KIF26B: variants seen among roughly 807,000 people sequenced by gnomAD.
KIF26B encodes the protein kinesin family member 26B.
A neutral mutation model predicts 151.2 loss-of-function variants in KIF26B; 63 were observed. The ratio of observed to expected loss-of-function variants is 0.42; its 90% CI spans 0.34 to 0.51. The LOEUF is 0.51. Among genes scored for constraint, KIF26B ranks in the 20% least tolerant of loss-of-function variants. KIF26B has a pLI of 0.07. For missense variants in KIF26B, 2,813 were observed against 2,913.6 expected, an observed-to-expected ratio of 0.97 and a Z score of 0.79; for synonymous variants, 1,357 against 1,262.1, an observed-to-expected ratio of 1.08 and a Z score of -1.59.
chr1:245,559,709 G>A (rs762136903), intron 5 of KIF26B, among the ~76,000 whole-genome samples: 4 of 152,156 alleles, frequency 2.6e-5, no homozygotes, highest in Non-Finnish European at 5.9e-5. Flanking sequence ...ACCGTGCCCA[G>A]CCTATTTTTG....
At chr1:245,608,585 A>C (rs2043482142) in intron 7 of KIF26B, among the ~76,000 whole-genome samples, 1 of 152,178 alleles carries the variant, frequency 6.6e-6, no homozygotes, top group African/African-American at 2.4e-5. Flanking sequence ...TAAAGTGTGA[A>C]TATGTGGACT....
At chr1:245,175,914 A>ATC (rs1417944815) in intron 2 of KIF26B, among the ~76,000 whole-genome samples, 85 of 123,264 alleles carry the variant, frequency 6.9e-4, no homozygotes, top group Non-Finnish European at 2.7e-4. Context: ...ATATATCTAT[A>ATC]TCTATATCTA....
At chr1:245,550,958 A>G (rs1396375760) in intron 5 of KIF26B, among the ~76,000 whole-genome samples, 2 of 152,194 alleles carry the variant, frequency 1.3e-5, no homozygotes, top group Non-Finnish European at 2.9e-5. Context: ...AAGCAGGACA[A>G]AGGGCCCTGG....
intron 4 of KIF26B, among the ~76,000 whole-genome samples, chr1:245,467,407 G>A (rs1261662931): frequency 2.6e-5 from 4 of 152,156 alleles, no homozygotes; most frequent in Non-Finnish European, 5.9e-5. Context: ...GAGAGTTTGA[G>A]ATGAAAATCT....
At chr1:245,193,958 A>G (rs1481157166) in intron 2 of KIF26B, among the ~76,000 whole-genome samples, 2 of 152,228 alleles carry the variant, frequency 1.3e-5, no homozygotes, top group African/African-American at 2.4e-5. Context: ...AGAAAATGAC[A>G]TGGACGCCAG....
intron 3 of KIF26B, 60 bp from the exon 4 acceptor site, chr1:245,419,519 A>T: frequency 6.7e-7 from 1 of 1,489,962 alleles, no homozygotes; most frequent in South Asian, 1.3e-5. Context: ...AGATGCTGTC[A>T]GTGGTCAGGA....
intron 4 of KIF26B, among the ~76,000 whole-genome samples, chr1:245,434,426 TCTG>T (rs1296003507): frequency 6.6e-6 from 1 of 152,222 alleles, no homozygotes; most frequent in African/African-American, 2.4e-5. Context: ...TCTCCCTGTC[TCTG>T]CAGCTCCATC....
At chr1:245,469,082 CCCT>C (rs60475430) in intron 4 of KIF26B, among the ~76,000 whole-genome samples, 3,108 of 152,272 alleles carry the variant, frequency 0.02, 178 homozygotes, top group East Asian at 0.18. Context: ...TGCTAAGAGT[CCCT>C]CCTCAACTGG....
intron 2 of KIF26B, among the ~76,000 whole-genome samples, chr1:245,261,564 C>T (rs1221282065): frequency 7.5e-6 from 1 of 132,574 alleles, no homozygotes; most frequent in Non-Finnish European, 1.6e-5. Context: ...TCCGTCTGTC[C>T]CTCTCTTTCT....
chr1:245,465,225 G>A (rs533734264), intron 4 of KIF26B, among the ~76,000 whole-genome samples: 2 of 152,238 alleles, frequency 1.3e-5, no homozygotes, highest in African/African-American at 2.4e-5. Flanking sequence ...TGATCCGCCC[G>A]CCTCGGCCTC....
At chr1:245,260,289 T>C (rs541183228) in intron 2 of KIF26B, among the ~76,000 whole-genome samples, 1 of 152,326 alleles carries the variant, frequency 6.6e-6, no homozygotes, top group Admixed American at 6.5e-5. Flanking sequence ...TGGGCCTTTC[T>C]GTCACTGAAG....
intron 2 of KIF26B, among the ~76,000 whole-genome samples, chr1:245,320,484 T>A (rs1466333099): frequency 6.6e-6 from 1 of 152,208 alleles, no homozygotes; most frequent in Non-Finnish European, 1.5e-5. Context: ...TATTGTTAAC[T>A]AAAGTTTATA....
chr1:245,686,842 G>A lies in KIF26B; in HGVS notation c.3859G>A (p.Ala1287Thr), dbSNP rs1572204148. The A allele has an allele frequency of 3.7e-6, 6 of 1,613,640 alleles. No individual in the cohort carries two copies. The highest frequency in any genetic ancestry group is 5.1e-6 in the Non-Finnish European group (6 of 1,179,854). The stretch of plus-strand genomic sequence containing the variant: ...CAGCTCCTGGCTGAGCGAGATGAGC[G>A]CGGGCAGTGAGGGTGAGCAGTCGTG... ...SISSWLSEMSAGSEGEQSCHS... is the reference protein window; with the variant it reads ...SISSWLSEMSTGSEGEQSCHS... Residue 1287 changes from alanine to threonine, a missense_variant, in exon 12 of 15, where the codon GCG becomes ACG. Ala to Thr is a moderately conservative substitution (Grantham distance 58, BLOSUM62 0). Coordinates refer to ENST00000407071, the MANE Select transcript of KIF26B (RefSeq NM_018012.4). The surrounding 1 kb of genome is among the most constrained non-coding windows in gnomAD (Gnocchi z 5.6).
chr1:245,649,854 A>G (rs1005882078), intron 10 of KIF26B, among the ~76,000 whole-genome samples: 2 of 152,174 alleles, frequency 1.3e-5, no homozygotes, highest in African/African-American at 4.8e-5. Context: ...GCTATTTGTC[A>G]TGTGAGCAAG....
chr1:245,359,080 G>T (rs1006796599), intron 2 of KIF26B, among the ~76,000 whole-genome samples: 1 of 151,884 alleles, frequency 6.6e-6, no homozygotes, highest in South Asian at 2.1e-4. Context: ...GTGCAGTGGC[G>T]CAGTCTCGGC....
chr1:245,623,956 G>T (rs2043693454), intron 9 of KIF26B, among the ~76,000 whole-genome samples: 1 of 152,154 alleles, frequency 6.6e-6, no homozygotes, highest in Non-Finnish European at 1.5e-5. Context: ...AGTGTTGGGG[G>T]AGGGACCTGG....
chr1:245,689,245 A>C (rs967663911), intron 12 of KIF26B, among the ~76,000 whole-genome samples: 1 of 152,152 alleles, frequency 6.6e-6, no homozygotes, highest in Admixed American at 6.5e-5. Context: ...TCTGTTCAAC[A>C]ACCAAGGATC....
rs572844067 is a variant in KIF26B at position 245,394,753 on chromosome 1, C to T, written c.1000-24826C>T. On this transcript the variant is annotated intron_variant, in intron 3 of 14. Coordinates refer to ENST00000407071, the MANE Select transcript of KIF26B (RefSeq NM_018012.4). ...TTGCCCGGGCTAGAGTGCAATGGCA[C>T]GATCTCGGCTCACCGCAGTCTCCAC... 3.7e-5 allele frequency among the ~76,000 whole-genome samples: 5 copies of T among 136,908 alleles called. 1 individual carries two copies. The highest frequency in any genetic ancestry group is 4.6e-4 in the East Asian group (2 of 4,354). The allele number at this position is 136,908 out of a possible 152,430, so 89.8% of individuals were successfully genotyped here. A position where few individuals can be genotyped will look rare whatever the true frequency, so the allele number is the denominator to read the frequency against.
Position 245,326,479 on chromosome 1 carries a change from G to A in KIF26B, c.466-40355G>A, listed in dbSNP as rs75237024. 6.6e-5 allele frequency among the ~76,000 whole-genome samples: 10 copies of A among 152,270 alleles called. No individual in the cohort carries two copies. The East Asian group carries it at 1.5e-3, about 23-fold the overall frequency. Reference sequence around the variant, plus strand: ...TCAGCCCAGAGATTCAAATGCCAACGGCTGCCAAGTTTACCCCAGGACCGC... The same window carrying A: ...TCAGCCCAGAGATTCAAATGCCAACAGCTGCCAAGTTTACCCCAGGACCGC... On this transcript the variant is annotated intron_variant, in intron 2 of 14. Coordinates refer to ENST00000407071, the MANE Select transcript of KIF26B (RefSeq NM_018012.4).
Sources: allele counts gnomAD v4.1 joint callset (sites outside exome capture counted in the v4.1 genomes callset), GRCh38; gene constraint gnomAD v4.1.1; non-coding constraint Gnocchi (gnomAD v3.1); transcripts MANE v1.5; gene names NCBI Gene and HGNC (gene_info 2026-07-23, HGNC 2026-07-21).